Variants in VEZF1 observed in about 807,000 individuals in gnomAD.
The protein encoded by VEZF1 is vascular endothelial zinc finger 1.
A neutral mutation model predicts 44.1 loss-of-function variants in VEZF1; 5 were observed. The observed-to-expected ratio is 0.11, with a 90% CI of 0.06 to 0.24. VEZF1 has a LOEUF of 0.24. Ranked by LOEUF, VEZF1 falls within the 10% of genes least tolerant of loss-of-function variation. VEZF1 has a pLI of 1.00. For missense variants in VEZF1, 358 were observed against 641.8 expected, an observed-to-expected ratio of 0.56 and a Z score of 4.78; for synonymous variants, 236 against 233.1, an observed-to-expected ratio of 1.01 and a Z score of -0.11.
Position 57,988,207 on chromosome 17 carries a change from GCAA to G in VEZF1, c.-99_-97del. On this transcript the variant is annotated 5_prime_UTR_variant, in exon 1 of 6. Transcript: ENST00000581208. ...CAACAAAGCGGCGGCGGCGGCGGCGGCAACGGCAGCGGCGGCTCCTCAACATGG... is the reference window on the plus strand; with the variant it reads ...CAACAAAGCGGCGGCGGCGGCGGCGGCGGCAGCGGCGGCTCCTCAACATGG... The G allele has an allele frequency of 3.8e-6, 1 of 262,256 alleles. No homozygotes were observed. Among genetic ancestry groups the G allele is most frequent in the South Asian group, 1.3e-4 (1 of 7,926 alleles). The allele number at this position is 262,256 out of a possible 1,614,324, so 16.2% of individuals were successfully genotyped here. A position where few individuals can be genotyped will look rare whatever the true frequency, so the allele number is the denominator to read the frequency against.
chr17:57,979,176 C>T lies in VEZF1; in HGVS notation c.1114G>A (p.Glu372Lys). The T allele has an allele frequency of 6.2e-7, 1 of 1,613,486 alleles. No individual in the cohort carries two copies. Among genetic ancestry groups the T allele is most frequent in the Non-Finnish European group, 8.5e-7 (1 of 1,180,000 alleles). The change falls in exon 5 of 6, where the codon GAA becomes AAA. Residue 372 changes from glutamate (E) to lysine (K), a missense_variant. Coordinates refer to ENST00000581208, the MANE Select transcript of VEZF1 (RefSeq NM_007146.3). The part of the protein sequence containing the change: ...KQVETLRLWE[E>K]AVKARKKEAA... ...CCTTTCTTCCTTGCTTTAACAGCTTCTTCCCACAGTCTCAGTGTTTCTACT... is the reference window on the plus strand; with the variant it reads ...CCTTTCTTCCTTGCTTTAACAGCTTTTTCCCACAGTCTCAGTGTTTCTACT...
At chr17:57,987,990 G>T (rs1474593006) in intron 1 of VEZF1, 89 bp downstream of exon 1, 1 of 185,688 alleles carries the variant, frequency 5.4e-6, no homozygotes, top group South Asian at 1.8e-4. Context: ...GGAGCCGGGA[G>T]GGAGGGGAGG....
Position 57,982,811 on chromosome 17 carries a change from T to C in VEZF1, c.616A>G (p.Ile206Val), listed in dbSNP as rs757513891. ...TTCCTCTTGAAGCGCTGATTACAAA[T>C]AGGACACTCAAAGGGTTTCTCATCT... ...HSDEKPFECP[I>V]CNQRFKRKDR... is the part of the protein sequence containing the mutation. Residue 206 changes from isoleucine (I) to valine (V), a missense_variant, in exon 2 of 6, where the codon ATT becomes GTT. Physicochemically the swap from Ile to Val is conservative, Grantham distance 29. Transcript: ENST00000581208. The C allele has an allele frequency of 5.0e-6, 8 of 1,614,012 alleles. No homozygotes were observed. Among genetic ancestry groups the C allele is most frequent in the East Asian group, 4.5e-5 (2 of 44,896 alleles).
Position 57,983,265 on chromosome 17 carries a change from A to G in VEZF1, c.162T>C (p.Gly54=). ...LPIPITQKPQ[G]APETLKDAIG... ...TGGCATCCTTTAATGTTTCTGGTGCACCCTGAGGTTTCTGAGTTATTGGTA... is the reference window on the plus strand; with the variant it reads ...TGGCATCCTTTAATGTTTCTGGTGCGCCCTGAGGTTTCTGAGTTATTGGTA... Residue 54 remains glycine, a synonymous_variant, in exon 2 of 6, where the codon GGT becomes GGC. Transcript: ENST00000581208. The G allele has an allele frequency of 6.2e-7, 1 of 1,614,038 alleles. No homozygotes were observed. Among genetic ancestry groups the G allele is most frequent in the Non-Finnish European group, 8.5e-7 (1 of 1,180,018 alleles).
chr17:57,979,103 T>C (rs1289040594), intron 5 of VEZF1, 49 bp downstream of exon 5: 1 of 1,589,262 alleles, frequency 6.3e-7, no homozygotes, highest in African/African-American at 1.3e-5. Flanking sequence ...GCATACTAAA[T>C]GAAAACACTT....
Position 57,988,192 on chromosome 17 carries a change from GC to G in VEZF1, c.-82del. ...AGCCGGAGGAGGCGACAACAAAGCG[GC>G]GGCGGCGGCGGCGGCAACGGCAGCG... On this transcript the variant is annotated 5_prime_UTR_variant, in exon 1 of 6. It removes the in-frame stop codon of an upstream open reading frame in the 5' UTR. Coordinates refer to ENST00000581208, the MANE Select transcript of VEZF1 (RefSeq NM_007146.3). 3.3e-6 allele frequency: 1 copy of G among 298,540 alleles called. No individual in the cohort carries two copies. The highest frequency in any genetic ancestry group is 5.8e-6 in the Non-Finnish European group (1 of 172,858). 18.5% of individuals were successfully genotyped at this position (298,540 alleles called of 1,614,324 possible). A position where few individuals can be genotyped will look rare whatever the true frequency, so the allele number is the denominator to read the frequency against.
Position 57,974,078 on chromosome 17 carries a change from C to T in VEZF1, c.*395G>A, listed in dbSNP as rs1757586929. On this transcript the variant is annotated 3_prime_UTR_variant, in exon 6 of 6. Coordinates refer to ENST00000581208, the MANE Select transcript of VEZF1 (RefSeq NM_007146.3). ...TTTAAAATTTCAGGTTAAAATCAGC[C>T]ATCCACCTTGTATAGGGAGAAGAGT... is the stretch of plus-strand genomic sequence containing the variant. 5.5e-6 allele frequency: 1 copy of T among 183,030 alleles called. No individual in the cohort carries two copies. Among genetic ancestry groups the T allele is most frequent in the Non-Finnish European group, 1.2e-5 (1 of 85,782 alleles). 11.3% of individuals were successfully genotyped at this position (183,030 alleles called of 1,614,324 possible).
At position 57,972,161 on chromosome 17, in the gene VEZF1, A is replaced by G. The variant is rs2075142990; in HGVS notation, c.*2312T>C. On this transcript the variant is annotated 3_prime_UTR_variant, in exon 6 of 6. Coordinates refer to ENST00000581208, the MANE Select transcript of VEZF1 (RefSeq NM_007146.3). Reference sequence around the variant, plus strand: ...TATTATACAATGAATTGATAAAACAATTACTTCTAGTATATATCTTTTTTT... The same window carrying G: ...TATTATACAATGAATTGATAAAACAGTTACTTCTAGTATATATCTTTTTTT... The G allele has an allele frequency of 6.6e-6, 1 of 152,650 alleles. No homozygotes were observed. 9.5% of individuals were successfully genotyped at this position (152,650 alleles called of 1,614,324 possible).
Position 57,983,367 on chromosome 17 carries a change from C to T in VEZF1, c.60G>A (p.Gln20=). The change falls in exon 2 of 6, where the codon CAG becomes CAA. Residue 20 remains glutamine, a synonymous_variant. Coordinates refer to ENST00000581208, the MANE Select transcript of VEZF1 (RefSeq NM_007146.3). The part of the protein sequence containing the change: ...FQAHEASHHQ[Q]QAAQNSLLPL... ...GCAGCAAGCTGTTCTGTGCTGCCTG[C>T]TGTTGGTGATGGGAAGCTTCATGGG... The T allele has an allele frequency of 6.2e-6, 10 of 1,610,226 alleles. No homozygotes were observed. The highest frequency in any genetic ancestry group is 8.5e-6 in the Non-Finnish European group (10 of 1,178,840).
rs750715575 is a variant in VEZF1 at position 57,979,218 on chromosome 17, T to C, written c.1072A>G (p.Ser358Gly). The C allele has an allele frequency of 9.3e-6, 15 of 1,613,690 alleles. 1 individual carries two copies. Among genetic ancestry groups the C allele is most frequent in the African/African-American group, 5.3e-5 (4 of 74,788 alleles). ...GTTTCTACTTGCTTCCCTGGCCAGC[T>C]TGTCACATGTTGTTGTTGTTGTTGT... ...QQQQQQQHVTSWPGKQVETLR... is the reference protein window; with the variant it reads ...QQQQQQQHVTGWPGKQVETLR... Residue 358 changes from serine (S) to glycine (G), a missense_variant, in exon 5 of 6, where the codon AGC becomes GGC. Physicochemically the swap from Ser to Gly is moderately conservative, Grantham distance 56 (BLOSUM62 0). Around this residue, in one of 4 missense-constraint regions of VEZF1, gnomAD observed 171 missense variants for 272.4 expected, o/e 0.63. Transcript: ENST00000581208.
At chr17:57,978,491 G>A (rs781579364) in intron 5 of VEZF1, among the ~76,000 whole-genome samples, 15 of 152,318 alleles carry the variant, frequency 9.8e-5, no homozygotes, top group Admixed American at 2.6e-4. Context: ...TGAAAAGTAC[G>A]TTGAAAACTG....
In VEZF1 at chr17:57,979,236, G is replaced by C; in HGVS notation, c.1054C>G (p.Gln352Glu). ...GGCCAGCTTGTCACATGTTGTTGTTGTTGTTGTTGCTGCTGCTGCTGCTGC... is the reference window on the plus strand; with the variant it reads ...GGCCAGCTTGTCACATGTTGTTGTTCTTGTTGTTGCTGCTGCTGCTGCTGC... ...QQQQQQQQQQ[Q>E]QQHVTSWPGK... The change falls in exon 5 of 6, where the codon CAA (glutamine) becomes GAA (glutamate). Residue 352 changes from glutamine to glutamate, a missense_variant. This residue lies in a region of VEZF1 where 171 missense variants were observed against 272.4 expected (regional missense o/e 0.63). Coordinates refer to ENST00000581208, the MANE Select transcript of VEZF1 (RefSeq NM_007146.3). 6.2e-7 allele frequency: 1 copy of C among 1,613,044 alleles called. No homozygotes were observed. The highest frequency in any genetic ancestry group is 8.5e-7 in the Non-Finnish European group (1 of 1,179,890).
chr17:57,978,222 A>AG (rs2075211301), intron 5 of VEZF1, among the ~76,000 whole-genome samples: 1 of 152,000 alleles, frequency 6.6e-6, no homozygotes, highest in Non-Finnish European at 1.5e-5. Context: ...AAAAAAAAAA[A>AG]CAGAAGGGAT....
intron 2 of VEZF1, among the ~76,000 whole-genome samples, chr17:57,982,440 A>G (rs949815040): frequency 6.6e-6 from 1 of 152,208 alleles, no homozygotes; most frequent in African/African-American, 2.4e-5. Flanking sequence ...ATAAGTATCC[A>G]TGTGCCAAAT....
At chr17:57,978,324 T>TA (rs1445078323) in intron 5 of VEZF1, among the ~76,000 whole-genome samples, 25 of 151,942 alleles carry the variant, frequency 1.6e-4, no homozygotes, top group African/African-American at 6.0e-4. Flanking sequence ...AGCCCACAGA[T>TA]AGAGGATTCC....
intron 5 of VEZF1, among the ~76,000 whole-genome samples, chr17:57,976,048 A>G (rs962629081): frequency 2.0e-5 from 3 of 152,056 alleles, no homozygotes; most frequent in Non-Finnish European, 2.9e-5. Context: ...CGTCCACCTC[A>G]GCCTCCCAAA....
chr17:57,978,198 C>CT (rs1220272810), intron 5 of VEZF1, among the ~76,000 whole-genome samples: 5 of 149,976 alleles, frequency 3.3e-5, no homozygotes, highest in Non-Finnish European at 5.9e-5. Context: ...GCGAGAGACT[C>CT]TGTCTAAAAA....
At chr17:57,988,044 TCCCCCCCGTG>T in intron 1 of VEZF1, 25 bp downstream of exon 1, 2 of 236,224 alleles carry the variant, frequency 8.5e-6, no homozygotes, top group Non-Finnish European at 7.8e-6. Flanking sequence ...GGCCCCCCTG[TCCCCCCCGTG>T]CCCCCCCGGG....
At chr17:57,987,659 C>T (rs1010150363) in intron 1 of VEZF1, among the ~76,000 whole-genome samples, 1 of 151,994 alleles carries the variant, frequency 6.6e-6, no homozygotes, top group Non-Finnish European at 1.5e-5. Context: ...GACCTGGGGA[C>T]CTCCTCACCC....
Sources: allele counts gnomAD v4.1 joint callset (sites outside exome capture counted in the v4.1 genomes callset), GRCh38; gene constraint gnomAD v4.1.1; regional missense constraint gnomAD v4.1.1; transcripts MANE v1.5; gene names NCBI Gene and HGNC (gene_info 2026-07-23, HGNC 2026-07-21).